The following DLG2 variants were observed in gnomAD, a reference collection of about 807,000 sequenced individuals.
DLG2 encodes the protein disks large homolog 2.
DLG2 carries 45 observed loss-of-function variants against 132.5 expected under a neutral mutation model. The observed-to-expected ratio is 0.34, with a 90% CI of 0.27 to 0.44. The LOEUF (loss-of-function observed/expected upper bound fraction) is 0.44. Among genes scored for constraint, DLG2 ranks in the 20% least tolerant of loss-of-function variants. The pLI, the probability that DLG2 is intolerant of heterozygous loss-of-function variation, is 1.00. For synonymous variants in DLG2, 424 were observed against 419.6 expected, an observed-to-expected ratio of 1.01 and a Z score of -0.13; for missense variants, 1,045 against 1,196.9, an observed-to-expected ratio of 0.87 and a Z score of 1.87.
At chr11:85,085,917 G>C (rs2067864661) in intron 6 of DLG2, among the ~76,000 whole-genome samples, 1 of 152,044 alleles carries the variant, frequency 6.6e-6, no homozygotes, top group Non-Finnish European at 1.5e-5. Context: ...AATTCTATGT[G>C]GTTAGGTTGT....
chr11:83,608,389 TA>T (rs1566033587), intron 19 of DLG2, among the ~76,000 whole-genome samples: 1 of 152,094 alleles, frequency 6.6e-6, no homozygotes, highest in South Asian at 2.1e-4. Context: ...ATATGTACTT[TA>T]AAAAATCTGA....
intron 6 of DLG2, among the ~76,000 whole-genome samples, chr11:84,620,465 G>A (rs1056501522): frequency 3.3e-5 from 5 of 151,834 alleles, no homozygotes; most frequent in African/African-American, 1.2e-4. Context: ...TCTACAAAGT[G>A]GGAGAAGACA....
intron 6 of DLG2, among the ~76,000 whole-genome samples, chr11:84,948,488 C>T (rs1210798565): frequency 6.6e-6 from 1 of 152,216 alleles, no homozygotes; most frequent in Non-Finnish European, 1.5e-5. Context: ...AGGGATTCTT[C>T]AATTTGCTAA....
chr11:84,720,108 C>G (rs1301427724), intron 6 of DLG2, among the ~76,000 whole-genome samples: 1 of 152,096 alleles, frequency 6.6e-6, no homozygotes, highest in Non-Finnish European at 1.5e-5. Flanking sequence ...GAGTTATGAG[C>G]CCAACATCGG....
chr11:84,020,747 C>A (rs751327019), intron 11 of DLG2, among the ~76,000 whole-genome samples: 21 of 152,140 alleles, frequency 1.4e-4, no homozygotes, highest in Non-Finnish European at 3.1e-4. Flanking sequence ...ATAGCCCCTT[C>A]ACAATAATGT....
chr11:84,200,814 C>T (rs907532280), intron 8 of DLG2, among the ~76,000 whole-genome samples: 1 of 152,124 alleles, frequency 6.6e-6, no homozygotes, highest in South Asian at 2.1e-4. Context: ...TGAGACTTTG[C>T]TGAAGTTGCT....
At chr11:84,839,278 A>G (rs2080257393) in intron 6 of DLG2, among the ~76,000 whole-genome samples, 1 of 152,108 alleles carries the variant, frequency 6.6e-6, no homozygotes, top group South Asian at 2.1e-4. Context: ...TAAGAATCCA[A>G]CTTACAAAAG....
At chr11:85,136,726 TTTTG>T (rs1303442514) in intron 5 of DLG2, among the ~76,000 whole-genome samples, 1 of 143,168 alleles carries the variant, frequency 7.0e-6, no homozygotes, top group Non-Finnish European at 1.5e-5. Flanking sequence ...ATTACTTTTA[TTTTG>T]TTTGTTTCCA....
Position 85,261,437 on chromosome 11 carries a change from G to A in DLG2, c.186+23783C>T, listed in dbSNP as rs188260479. ...AATGACAAGTCTTTGGCATTAGGGT[G>A]GAGGTCTCAACTTCCAACTACTTCC... On this transcript the variant is annotated intron_variant, in intron 4 of 27. Coordinates refer to ENST00000376104, the MANE Select transcript of DLG2 (RefSeq NM_001142699.3). 4.0e-3 allele frequency among the ~76,000 whole-genome samples: 609 copies of A among 152,060 alleles called. 3 individuals carry two copies. The highest frequency in any genetic ancestry group is 4.8e-3 in the Non-Finnish European group (328 of 67,976).
chr11:83,851,415 G>A (rs1477875022), intron 16 of DLG2, among the ~76,000 whole-genome samples: 5 of 151,660 alleles, frequency 3.3e-5, no homozygotes, highest in African/African-American at 9.7e-5. Context: ...ACCTGAGGTC[G>A]GGAGTTCGAG....
intron 6 of DLG2, among the ~76,000 whole-genome samples, chr11:84,731,626 T>G (rs77116597): frequency 0.018 from 2,778 of 151,826 alleles, 57 homozygotes; most frequent in African/African-American, 0.043. Context: ...GAGATAAACG[T>G]AATACAGAAA....
intron 7 of DLG2, among the ~76,000 whole-genome samples, chr11:84,489,498 T>C (rs1340399624): frequency 6.6e-6 from 1 of 152,150 alleles, no homozygotes; most frequent in Non-Finnish European, 1.5e-5. Context: ...TAGCTCTCCA[T>C]AGTCTACAAA....
At chr11:83,695,385 G>C (rs77480044) in intron 18 of DLG2, among the ~76,000 whole-genome samples, 1 of 152,164 alleles carries the variant, frequency 6.6e-6, no homozygotes, top group Non-Finnish European at 1.5e-5. Context: ...GGTGCTTAGC[G>C]ATCACCTCTA....
chr11:84,818,628 AC>A (rs1488446903), intron 6 of DLG2, among the ~76,000 whole-genome samples: 2 of 151,944 alleles, frequency 1.3e-5, no homozygotes, highest in African/African-American at 4.8e-5. Flanking sequence ...TTTTGTAATT[AC>A]AATTTGTGCT....
intron 6 of DLG2, among the ~76,000 whole-genome samples, chr11:84,904,864 T>G (rs1306037451): frequency 3.9e-5 from 6 of 152,312 alleles, no homozygotes; most frequent in East Asian, 1.9e-4. Context: ...ATGAGCACCC[T>G]GATGTTTATT....
chr11:84,024,155 C>T (rs939893831), intron 11 of DLG2, among the ~76,000 whole-genome samples: 1 of 152,072 alleles, frequency 6.6e-6, no homozygotes, highest in African/African-American at 2.4e-5. Flanking sequence ...ACATGCTTTC[C>T]TGCAAAGAGA....
At chr11:85,549,350 C>T (rs958560267) in intron 3 of DLG2, among the ~76,000 whole-genome samples, 2 of 152,168 alleles carry the variant, frequency 1.3e-5, no homozygotes, top group Non-Finnish European at 2.9e-5. Flanking sequence ...CCGGTTACCT[C>T]AGCTGGAAAT....
intron 6 of DLG2, among the ~76,000 whole-genome samples, chr11:84,711,575 C>T (rs1335705573): frequency 6.6e-6 from 1 of 151,764 alleles, no homozygotes; most frequent in Non-Finnish European, 1.5e-5. Flanking sequence ...AGTTCCAGCA[C>T]AAAAGCCAGC....
intron 6 of DLG2, among the ~76,000 whole-genome samples, chr11:84,557,110 A>C (rs1429662827): frequency 2.6e-5 from 4 of 152,156 alleles, no homozygotes; most frequent in Non-Finnish European, 5.9e-5. Flanking sequence ...TTATGTGTCA[A>C]CTTGGCTAAA....
Sources: allele counts gnomAD v4.1 joint callset (sites outside exome capture counted in the v4.1 genomes callset), GRCh38; gene constraint gnomAD v4.1.1; transcripts MANE v1.5; gene names NCBI Gene and HGNC (gene_info 2026-07-23, HGNC 2026-07-21).